The following ANKRD26 variants were observed in gnomAD, a reference collection of about 807,000 sequenced individuals.
ANKRD26 encodes ankyrin repeat domain-containing protein 26.
A neutral mutation model predicts 208.7 loss-of-function variants in ANKRD26; 141 were observed. The ratio of observed to expected loss-of-function variants is 0.68; its 90% CI spans 0.59 to 0.78. The LOEUF (loss-of-function observed/expected upper bound fraction) is 0.78, where lower values mean the gene tolerates loss of function less well. Ranked by LOEUF, ANKRD26 falls within the 30% of genes least tolerant of loss-of-function variation. The probability of loss-of-function intolerance (pLI) is 0.00; values close to 1 mark genes in which losing one functional copy is unlikely to be tolerated. For missense variants in ANKRD26, 1,889 were observed against 1,938.7 expected, an observed-to-expected ratio of 0.97 and a Z score of 0.48; for synonymous variants, 636 against 660.4, an observed-to-expected ratio of 0.96 and a Z score of 0.57.
At chr10:27,044,050 T>C in intron 19 of ANKRD26, 107 bp downstream of exon 19, 3 of 857,530 alleles carry the variant, frequency 3.5e-6, no homozygotes, top group South Asian at 4.0e-5. Flanking sequence ...CGCTTTAGCC[T>C]TCCAAAGTGC....
the ANKRD26 span, among the ~76,000 whole-genome samples, chr10:26,948,409 A>C: frequency 6.6e-6 from 1 of 152,202 alleles, no homozygotes; most frequent in Non-Finnish European, 1.5e-5. Context: ...TCTTGGGCTA[A>C]AGATCTCAGA....
intron 9 of ANKRD26, among the ~76,000 whole-genome samples, chr10:27,071,188 CAG>C (rs1387926834): frequency 8.2e-5 from 8 of 97,066 alleles, no homozygotes; most frequent in African/African-American, 2.3e-4. Flanking sequence ...TTTTTTGAGA[CAG>C]AGTCTCGCTT....
At position 27,037,299 on chromosome 10, in the gene ANKRD26, G is replaced by A; in HGVS notation, c.2584C>T (p.Gln862Ter). The A allele has an allele frequency of 6.2e-7, 1 of 1,613,844 alleles. No homozygotes were observed. Among genetic ancestry groups the A allele is most frequent in the African/African-American group, 1.3e-5 (1 of 75,014 alleles). Residue 862 changes from glutamine to a stop codon, truncating the protein, a stop_gained, in exon 23 of 34, where the codon CAG becomes TAG. Coordinates refer to ENST00000376087, the MANE Select transcript of ANKRD26 (RefSeq NM_014915.3). LOFTEE classifies it high-confidence loss of function. Reference protein sequence around the residue: ...NQVVQERNDAQRQLSREQNAR... With the variant: ...NQVVQERNDA ...TTCTGTTCTCGAGAAAGTTGCCTCT[G>A]AGCGTCATTTCGCTCTTGAACGACC...
chr10:27,091,057 T>C (rs2056283045), intron 4 of ANKRD26, among the ~76,000 whole-genome samples: 1 of 149,718 alleles, frequency 6.7e-6, no homozygotes, highest in Admixed American at 6.7e-5. Context: ...CATCACACCA[T>C]TGCACTCCAG....
downstream of ANKRD26, among the ~76,000 whole-genome samples, chr10:26,990,041 T>C (rs968977605): frequency 4.6e-5 from 7 of 152,128 alleles, no homozygotes; most frequent in Admixed American, 2.0e-4. Context: ...CTTCCCCCAT[T>C]TTGCTACTCT....
intron 6 of ANKRD26, among the ~76,000 whole-genome samples, chr10:27,082,022 C>T (rs2135621678): frequency 6.9e-6 from 1 of 145,064 alleles, no homozygotes; most frequent in Admixed American, 7.1e-5. Context: ...AGTTGTGAGC[C>T]ACCACGCCCA....
At chr10:26,948,774 G>C in the ANKRD26 span, among the ~76,000 whole-genome samples, 1 of 152,110 alleles carries the variant, frequency 6.6e-6, no homozygotes, top group Non-Finnish European at 1.5e-5. Flanking sequence ...GATCACCTAA[G>C]GTCAGAAGTT....
downstream of ANKRD26, among the ~76,000 whole-genome samples, chr10:26,972,652 G>C (rs1323915194): frequency 6.9e-6 from 1 of 145,960 alleles, no homozygotes; most frequent in South Asian, 2.2e-4. Context: ...GTGCAGTGGT[G>C]TGATCTTGGC....
At chr10:27,007,588 G>A (rs979930539) in intron 32 of ANKRD26, among the ~76,000 whole-genome samples, 61 of 152,152 alleles carry the variant, frequency 4.0e-4, no homozygotes, top group African/African-American at 1.4e-3. Context: ...CACAGGAGGT[G>A]GAGGTTGCAG....
At chr10:27,028,823 G>T (rs1479573900) in intron 27 of ANKRD26, 29 bp downstream of exon 27, 1 of 1,566,046 alleles carries the variant, frequency 6.4e-7, no homozygotes, top group Non-Finnish European at 8.8e-7. Flanking sequence ...TTCCTTTTCA[G>T]TACGACAGAA....
intron 4 of ANKRD26, among the ~76,000 whole-genome samples, chr10:27,089,044 GAAA>G (rs2056211894): frequency 6.6e-6 from 1 of 152,090 alleles, no homozygotes; most frequent in African/African-American, 2.4e-5. Context: ...TATGTGAACT[GAAA>G]AAAAGTCCTA....
intron 15 of ANKRD26, among the ~76,000 whole-genome samples, chr10:27,056,177 T>TTC (rs1449909564): frequency 6.6e-5 from 10 of 152,216 alleles, no homozygotes; most frequent in African/African-American, 2.4e-4. Context: ...AAATGATTCT[T>TTC]TTTCTTCTTT....
intron 11 of ANKRD26, chr10:27,066,245 CT>C (rs61648459): frequency 0.04 from 10,792 of 267,582 alleles, no homozygotes; most frequent in Middle Eastern, 0.071. Context: ...CTTTTCTTTT[CT>C]TTTTTTTTTT....
At position 27,033,443 on chromosome 10, in the gene ANKRD26, TTA is replaced by T. The variant is rs35410352; in HGVS notation, c.3655-68_3655-67del. On this transcript the variant is annotated intron_variant, in intron 24 of 33. Coordinates refer to ENST00000376087, the MANE Select transcript of ANKRD26 (RefSeq NM_014915.3). ...TTATTAAGTTATGTTAAAAAATAAA[TTA>T]TGTTAATAATATTTAACTATGACAT... 0.092 allele frequency: 134,709 copies of T among 1,460,420 alleles called. 7,609 individuals carry two copies. Among genetic ancestry groups the T allele is most frequent in the East Asian group, 0.27 (10,794 of 39,778 alleles). The allele number at this position is 1,460,420 out of a possible 1,614,324, so 90.5% of individuals were successfully genotyped here. A position where few individuals can be genotyped will look rare whatever the true frequency, so the allele number is the denominator to read the frequency against.
the ANKRD26 span, among the ~76,000 whole-genome samples, chr10:26,967,681 C>T: frequency 7.8e-3 from 1,190 of 152,306 alleles, 19 homozygotes; most frequent in African/African-American, 0.024. Context: ...GGATTCAAAA[C>T]AGAATTCAAC....
downstream of ANKRD26, among the ~76,000 whole-genome samples, chr10:26,990,300 G>A (rs1378936136): frequency 6.6e-6 from 1 of 152,202 alleles, no homozygotes; most frequent in Non-Finnish European, 1.5e-5. Context: ...ACAGCTGTGT[G>A]GGGGCTTTGG....
At chr10:26,970,381 T>C (rs566337034), downstream of ANKRD26, among the ~76,000 whole-genome samples, 6 of 152,302 alleles carry the variant, frequency 3.9e-5, no homozygotes, top group Non-Finnish European at 5.9e-5. Context: ...GAGATCTAGA[T>C]AGTGAGTGTC....
intron 1 of ANKRD26, among the ~76,000 whole-genome samples, chr10:27,099,125 A>C (rs1230434679): frequency 2.0e-5 from 3 of 151,980 alleles, no homozygotes; most frequent in African/African-American, 7.2e-5. Context: ...GGAGTAGCTG[A>C]GATTACAGGC....
the ANKRD26 span, among the ~76,000 whole-genome samples, chr10:26,955,616 C>T: frequency 0.012 from 1,802 of 152,218 alleles, 15 homozygotes; most frequent in Non-Finnish European, 0.019. Context: ...GCCTCTTGAA[C>T]AGTTCCATGT....
Sources: allele counts gnomAD v4.1 joint callset (sites outside exome capture counted in the v4.1 genomes callset), GRCh38; gene constraint gnomAD v4.1.1; transcripts MANE v1.5; gene names NCBI Gene and HGNC (gene_info 2026-07-23, HGNC 2026-07-21).